YAP1: variants seen among roughly 807,000 people sequenced by gnomAD.
The protein encoded by YAP1 is transcriptional coactivator YAP1.
Under a neutral mutation model 56.9 loss-of-function variants are expected in YAP1, and 5 were observed. That is an observed-to-expected ratio of 0.09 (90% CI 0.05 to 0.18). YAP1 has a LOEUF of 0.18. Ranked by LOEUF, YAP1 falls within the 10% of genes least tolerant of loss-of-function variation. The probability of loss-of-function intolerance (pLI) is 1.00; values close to 1 mark genes in which losing one functional copy is unlikely to be tolerated. For synonymous variants in YAP1, 265 were observed against 248.1 expected (o/e 1.07, Z -0.64); for missense variants, 539 against 651.8 (o/e 0.83, Z 1.88).
chr11:102,205,126 C>CA (rs1347607653), intron 4 of YAP1, among the ~76,000 whole-genome samples: 2 of 151,546 alleles, frequency 1.3e-5, no homozygotes, highest in African/African-American at 4.8e-5. Flanking sequence ...TTCTAACCAC[C>CA]AAATGGTGTA....
At chr11:102,149,648 T>C in intron 2 of YAP1, among the ~76,000 whole-genome samples, 1 of 152,244 alleles carries the variant, frequency 6.6e-6, no homozygotes, top group South Asian at 2.1e-4. Context: ...AGAAATGGTA[T>C]GTAAATAACT....
chr11:102,159,604 G>T (rs1210155137), intron 2 of YAP1, among the ~76,000 whole-genome samples: 1 of 152,158 alleles, frequency 6.6e-6, no homozygotes, highest in Non-Finnish European at 1.5e-5. Context: ...GGTAGCAACA[G>T]AATGAAATTT....
At chr11:102,219,098 C>T (rs181904079) in intron 6 of YAP1, among the ~76,000 whole-genome samples, 2 of 152,286 alleles carry the variant, frequency 1.3e-5, no homozygotes, top group Admixed American at 1.3e-4. Flanking sequence ...CAGGAGCATA[C>T]CTTCTTTGAT....
At chr11:102,164,542 C>T (rs1208596427) in intron 3 of YAP1, among the ~76,000 whole-genome samples, 3 of 152,046 alleles carry the variant, frequency 2.0e-5, no homozygotes, top group Non-Finnish European at 4.4e-5. Context: ...TTAATTTAAA[C>T]TTTATTTTGG....
intron 3 of YAP1, among the ~76,000 whole-genome samples, chr11:102,177,416 C>T (rs2135466597): frequency 6.6e-6 from 1 of 152,174 alleles, no homozygotes; most frequent in South Asian, 2.1e-4. Context: ...TTGGAAGTTA[C>T]TGCTAAAACT....
At chr11:102,178,935 AAGTG>A (rs1405006546) in intron 3 of YAP1, among the ~76,000 whole-genome samples, 1 of 152,180 alleles carries the variant, frequency 6.6e-6, no homozygotes, top group Admixed American at 6.5e-5. Context: ...TGGTGCAAGA[AAGTG>A]AGTGGGAGAA....
intron 3 of YAP1, among the ~76,000 whole-genome samples, chr11:102,180,889 G>T (rs969593287): frequency 1.1e-4 from 16 of 152,058 alleles, no homozygotes; most frequent in Non-Finnish European, 1.9e-4. Context: ...GCTCGCACCT[G>T]TAATCCCACC....
rs1439300691 is a variant in YAP1 at position 102,232,728 on chromosome 11, A to G, written c.*2788A>G. The stretch of plus-strand genomic sequence containing the variant: ...ATTGCTTTTACAATAAACCAATTTT[A>G]TAATCTTTAAATTTATCAACTTTTT... On this transcript the variant is annotated 3_prime_UTR_variant, in exon 9 of 9. Coordinates refer to ENST00000282441, the MANE Select transcript of YAP1 (RefSeq NM_001130145.3). The G allele has an allele frequency of 6.6e-6, 1 of 152,630 alleles. No homozygotes were observed. Among genetic ancestry groups the G allele is most frequent in the African/African-American group, 2.4e-5 (1 of 41,470 alleles). The allele number at this position is 152,630 out of a possible 1,614,324, so 9.5% of individuals were successfully genotyped here.
Position 102,231,925 on chromosome 11 carries a change from T to C in YAP1, c.*1985T>C, listed in dbSNP as rs1245967084. 2 of 152,544 alleles carry C rather than the reference T, an allele frequency of 1.3e-5. No individual in the cohort carries two copies. Among genetic ancestry groups the C allele is most frequent in the Admixed American group, 1.3e-4 (2 of 15,246 alleles). 9.4% of individuals were successfully genotyped at this position (152,544 alleles called of 1,614,324 possible). A position where few individuals can be genotyped will look rare whatever the true frequency, so the allele number is the denominator to read the frequency against. On this transcript the variant is annotated 3_prime_UTR_variant, in exon 9 of 9. Coordinates refer to ENST00000282441, the MANE Select transcript of YAP1 (RefSeq NM_001130145.3). ...GTAAGAAGTTTTATTTTAAGTACTT[T>C]CAGTGCTCAAAAAAATGCAATCACT...
intron 8 of YAP1, among the ~76,000 whole-genome samples, chr11:102,228,314 G>C (rs1185142340): frequency 6.6e-6 from 1 of 152,024 alleles, no homozygotes; most frequent in Admixed American, 6.6e-5. Context: ...GAAAGACTAG[G>C]AGGTGGGGCT....
chr11:102,192,399 T>A (rs1365411598), intron 4 of YAP1, among the ~76,000 whole-genome samples: 1 of 152,272 alleles, frequency 6.6e-6, no homozygotes, highest in East Asian at 1.9e-4. Flanking sequence ...GTCATTGCTC[T>A]GACCTGTCAT....
chr11:102,177,085 G>T (rs1947306850), intron 3 of YAP1, among the ~76,000 whole-genome samples: 1 of 152,138 alleles, frequency 6.6e-6, no homozygotes, highest in South Asian at 2.1e-4. Flanking sequence ...AGAGAGAAGA[G>T]TTCCTGCAGG....
At chr11:102,122,086 T>C (rs1017413735) in intron 2 of YAP1, among the ~76,000 whole-genome samples, 2 of 152,148 alleles carry the variant, frequency 1.3e-5, no homozygotes, top group African/African-American at 2.4e-5. Context: ...GTTTTTGTTA[T>C]AAAACTAACA....
Position 102,223,682 on chromosome 11 carries a change from G to A in YAP1, c.1093G>A (p.Val365Met), listed in dbSNP as rs556763878. The A allele has an allele frequency of 6.2e-7, 1 of 1,614,166 alleles. No individual in the cohort carries two copies. The highest frequency in any genetic ancestry group is 8.5e-7 in the Non-Finnish European group (1 of 1,180,020). ...GCAGGATGGTGGGACTCAAAATCCA[G>A]TGTCTTCTCCCGGGATGTCTCAGGA... is the stretch of plus-strand genomic sequence containing the variant. ...LEQDGGTQNP[V>M]SSPGMSQELR... The change falls in exon 7 of 9, where the codon GTG becomes ATG. Residue 365 changes from valine (V) to methionine (M), a missense_variant. Physicochemically the swap from Val to Met is conservative, Grantham distance 21 (BLOSUM62 1). Around this residue, in one of 4 missense-constraint regions of YAP1, gnomAD observed 414 missense variants for 512.4 expected, o/e 0.81. Coordinates refer to ENST00000282441, the MANE Select transcript of YAP1 (RefSeq NM_001130145.3).
chr11:102,216,557 T>A lies in YAP1; in HGVS notation c.1032+6993T>A, dbSNP rs182415234. ...CAACATTATTTCATAATTGGGTAAA[T>A]CTGGCATAGCTCTTTTGTAGACAGT... On this transcript the variant is annotated intron_variant, in intron 6 of 8. Coordinates refer to ENST00000282441, the MANE Select transcript of YAP1 (RefSeq NM_001130145.3). Among the ~76,000 whole-genome samples the A allele has an allele frequency of 1.2e-4, 18 of 152,286 alleles. No homozygotes were observed. In the East Asian group the frequency reaches 2.9e-3, roughly 25 times the overall value.
chr11:102,213,806 A>C (rs538997841), intron 6 of YAP1, among the ~76,000 whole-genome samples: 2 of 152,088 alleles, frequency 1.3e-5, no homozygotes, highest in East Asian at 3.9e-4. Flanking sequence ...GGCAGGGCAC[A>C]GTGGCTCACG....
Position 102,123,340 on chromosome 11 carries a change from T to C in YAP1, c.572+8946T>C, listed in dbSNP as rs116459588. On this transcript the variant is annotated intron_variant, in intron 2 of 8. Coordinates refer to ENST00000282441, the MANE Select transcript of YAP1 (RefSeq NM_001130145.3). The stretch of plus-strand genomic sequence containing the variant: ...TTTGTTTTCCTGCTCTGTGCTAGAC[T>C]TGTTGCTTCAGAGTTGTCATGTTAG... 2.5e-3 allele frequency among the ~76,000 whole-genome samples: 388 copies of C among 152,306 alleles called. 1 individual carries two copies. Among genetic ancestry groups the C allele is most frequent in the African/African-American group, 8.9e-3 (369 of 41,576 alleles).
At chr11:102,194,266 A>G (rs1948459625) in intron 4 of YAP1, among the ~76,000 whole-genome samples, 2 of 152,214 alleles carry the variant, frequency 1.3e-5, no homozygotes, top group Admixed American at 6.5e-5. Flanking sequence ...GAAAGAGATT[A>G]TAGAATTATT....
chr11:102,205,898 A>G lies in YAP1; in HGVS notation c.808A>G (p.Asn270Asp). ...DPRLDPRFAM[N>D]QRISQSAPVK... is the part of the protein sequence containing the mutation. ...TTTTTTTCTTTTCATTTCAGCCATGAACCAGAGAATCAGTCAGAGTGCTCC... is the reference window on the plus strand; with the variant it reads ...TTTTTTTCTTTTCATTTCAGCCATGGACCAGAGAATCAGTCAGAGTGCTCC... Residue 270 changes from asparagine (N) to aspartate (D), a missense_variant, in exon 5 of 9, where the codon AAC (asparagine) becomes GAC (aspartate). By Grantham distance (23) the Asn-to-Asp change is conservative (BLOSUM62 1). Around this residue, in one of 4 missense-constraint regions of YAP1, gnomAD observed 414 missense variants for 512.4 expected, o/e 0.81. Transcript: ENST00000282441. 6.6e-7 allele frequency: 1 copy of G among 1,508,772 alleles called. No homozygotes were observed. Among genetic ancestry groups the G allele is most frequent in the Non-Finnish European group, 8.9e-7 (1 of 1,123,668 alleles). The allele number at this position is 1,508,772 out of a possible 1,614,324, so 93.5% of individuals were successfully genotyped here.
Sources: gnomAD v4.1 joint callset for allele counts (sites outside exome capture counted in the v4.1 genomes callset) on GRCh38, gnomAD v4.1.1 for gene constraint, gnomAD v4.1.1 regional missense constraint, MANE v1.5 for transcripts, NCBI Gene and HGNC (gene_info 2026-07-23, HGNC 2026-07-21) for gene names.